Variants in ZC4H2 observed in about 807,000 individuals in gnomAD.
ZC4H2 encodes the protein zinc finger C4H2-type containing, also known as zinc finger C4H2 domain-containing protein.
For missense variants in ZC4H2, 137 were observed against 173.9 expected (o/e 0.79, Z 1.19); for synonymous variants, 84 against 66.3 (o/e 1.27, Z -1.30).
intron 1 of ZC4H2, among the ~76,000 whole-genome samples, chrX:64,987,333 T>C (rs1477551158): frequency 9.0e-6 from 1 of 111,391 alleles, no homozygotes; most frequent in Non-Finnish European, 1.9e-5. Flanking sequence ...TTCTACCTGA[T>C]GTCAACATTT....
chrX:65,012,204 G>A (rs1226873154), intron 1 of ZC4H2, among the ~76,000 whole-genome samples: 1 of 88,379 alleles, frequency 1.1e-5, no homozygotes, highest in Non-Finnish European at 2.2e-5. Flanking sequence ...CTCCAGCCTG[G>A]GTGACAGAAG....
intron 1 of ZC4H2, among the ~76,000 whole-genome samples, chrX:65,002,767 G>A (rs1455170860): frequency 3.7e-5 from 4 of 108,121 alleles, no homozygotes; most frequent in East Asian, 2.9e-4. Flanking sequence ...CCCCCAACCC[G>A]GTGCTCTCTG....
intron 1 of ZC4H2, among the ~76,000 whole-genome samples, chrX:64,985,299 A>G (rs1321413646): frequency 8.9e-6 from 1 of 111,891 alleles, no homozygotes; most frequent in Non-Finnish European, 1.9e-5. Flanking sequence ...GGTTGAACTA[A>G]TTTACATTCT....
At chrX:65,000,920 G>A (rs1932522825) in intron 1 of ZC4H2, among the ~76,000 whole-genome samples, 1 of 111,566 alleles carries the variant, frequency 9.0e-6, no homozygotes, top group Non-Finnish European at 1.9e-5. Flanking sequence ...AAGCCTCCAA[G>A]AAATATGGGG....
intron 1 of ZC4H2, among the ~76,000 whole-genome samples, chrX:64,989,652 C>G (rs978873922): frequency 4.5e-5 from 5 of 112,045 alleles, no homozygotes; most frequent in Admixed American, 9.5e-5. Flanking sequence ...AGACTAGCAT[C>G]TAAAATATAT....
chrX:65,000,978 A>G (rs1041316437), intron 1 of ZC4H2, among the ~76,000 whole-genome samples: 6 of 111,801 alleles, frequency 5.4e-5, no homozygotes, highest in African/African-American at 1.6e-4. Context: ...CCTGAAAGTG[A>G]TGGGGAAAAT....
Position 64,922,008 on chromosome X carries a change from G to C in ZC4H2, c.54-20C>G, listed in dbSNP as rs757377295. 1.8e-5 allele frequency: 22 copies of C among 1,204,132 alleles called. No individual in the cohort carries two copies. In the East Asian group the frequency reaches 6.3e-4, roughly 34 times the overall value. ...TTGTTCCTGCAATTTGCAAAAAGCA[G>C]GAAACAGGCCAGCAAAAGAAGGGAG... On this transcript the variant is annotated intron_variant, in intron 1 of 4. Transcript: ENST00000374839.
At chrX:65,031,554 A>C (rs757003289) in intron 1 of ZC4H2, among the ~76,000 whole-genome samples, 2 of 112,031 alleles carry the variant, frequency 1.8e-5, no homozygotes, top group Non-Finnish European at 3.8e-5. Context: ...AATGAAAAGA[A>C]GGTGAATAAA....
chrX:64,956,359 C>T (rs755689581), intron 1 of ZC4H2, among the ~76,000 whole-genome samples: 10 of 111,153 alleles, frequency 9.0e-5, no homozygotes, highest in Non-Finnish European at 1.9e-4. Context: ...GTGTTATCCT[C>T]CCAATAGTCA....
intron 1 of ZC4H2, among the ~76,000 whole-genome samples, chrX:64,963,881 A>T (rs1288351148): frequency 9.0e-6 from 1 of 111,730 alleles, no homozygotes; most frequent in East Asian, 2.8e-4. Context: ...AAAAAGAAGG[A>T]AGTCCTACAA....
intron 1 of ZC4H2, among the ~76,000 whole-genome samples, chrX:65,025,403 T>C (rs1187403119): frequency 9.0e-6 from 1 of 110,979 alleles, no homozygotes; most frequent in Non-Finnish European, 1.9e-5. Flanking sequence ...TTGGCACTTA[T>C]CAAACATCCA....
intron 1 of ZC4H2, among the ~76,000 whole-genome samples, chrX:64,937,319 C>T (rs188031923): frequency 1.0e-3 from 115 of 111,236 alleles, no homozygotes; most frequent in African/African-American, 3.7e-3. Context: ...GAAACACAGA[C>T]TCCCACACAA....
intron 1 of ZC4H2, among the ~76,000 whole-genome samples, chrX:65,033,521 G>C (rs776686292): frequency 1.8e-5 from 2 of 111,610 alleles, no homozygotes; most frequent in African/African-American, 6.5e-5. Context: ...GGTGCCTAAG[G>C]GGGTGTGGAA....
rs1931052522 is a variant in ZC4H2 at position 64,954,358 on chromosome X, A to ATATATATATATAAT, written c.53+21966_53+21967insATTATATATATATA. ...TATATAATTATATATATATATAATT[A>ATATATATATATAAT]TATATATATATATAATTATATATAT... On this transcript the variant is annotated intron_variant, in intron 1 of 4. Transcript: ENST00000374839. 3.2e-4 allele frequency among the ~76,000 whole-genome samples: 21 copies of ATATATATATATAAT among 65,305 alleles called. 1 individual carries two copies. The highest frequency in any genetic ancestry group is 1.4e-3 in the African/African-American group (15 of 10,775). 56.7% of individuals were successfully genotyped at this position (65,305 alleles called of 115,157 possible). A position where few individuals can be genotyped will look rare whatever the true frequency, so the allele number is the denominator to read the frequency against.
At chrX:64,985,352 G>C (rs1932164097) in intron 1 of ZC4H2, among the ~76,000 whole-genome samples, 1 of 111,578 alleles carries the variant, frequency 9.0e-6, no homozygotes, top group Admixed American at 9.5e-5. Context: ...AACATCTGTT[G>C]TTTTTTGACT....
chrX:65,033,796 A>G (rs1043090379), intron 1 of ZC4H2, among the ~76,000 whole-genome samples: 1 of 111,884 alleles, frequency 8.9e-6, no homozygotes, highest in Non-Finnish European at 1.9e-5. Flanking sequence ...CAGGTTAAGA[A>G]TCTTAGCTCA....
intron 1 of ZC4H2, among the ~76,000 whole-genome samples, chrX:64,935,537 T>A (rs1253523961): frequency 8.9e-6 from 1 of 111,959 alleles, no homozygotes; most frequent in Non-Finnish European, 1.9e-5. Flanking sequence ...GGGAGATACC[T>A]CTCAGTAGGG....
intron 1 of ZC4H2, among the ~76,000 whole-genome samples, chrX:64,939,879 C>T (rs1930187758): frequency 9.0e-6 from 1 of 111,625 alleles, no homozygotes; most frequent in Admixed American, 9.5e-5. Context: ...TGGGCACAGA[C>T]TTCATGTCCA....
intron 1 of ZC4H2, among the ~76,000 whole-genome samples, chrX:64,954,363 TATATATATA>T (rs1931055172): frequency 1.3e-5 from 1 of 76,386 alleles, no homozygotes; most frequent in Admixed American, 1.4e-4. Context: ...TAATTATATA[TATATATATA>T]ATTATATATA....
Sources: allele counts gnomAD v4.1 joint callset (sites outside exome capture counted in the v4.1 genomes callset), GRCh38; gene constraint gnomAD v4.1.1; transcripts MANE v1.5; gene names NCBI Gene and HGNC (gene_info 2026-07-23, HGNC 2026-07-21).